NRG1: variants seen among roughly 807,000 people sequenced by gnomAD.
The protein encoded by NRG1 is neuregulin 1.
A neutral mutation model predicts 63.8 loss-of-function variants in NRG1; 18 were observed. The ratio of observed to expected loss-of-function variants is 0.28; its 90% CI spans 0.19 to 0.42. NRG1 has a LOEUF of 0.42. Ranked by LOEUF, NRG1 falls within the 10% of genes least tolerant of loss-of-function variation. NRG1 has a pLI of 1.00. For missense variants in NRG1, 762 were observed against 814.7 expected (o/e 0.94, Z 0.79); for synonymous variants, 302 against 301.3 (o/e 1.00, Z -0.02).
chr8:31,994,021 A>G (rs2129632998), intron 1 of NRG1, among the ~76,000 whole-genome samples: 1 of 152,132 alleles, frequency 6.6e-6, no homozygotes, highest in South Asian at 2.1e-4. Flanking sequence ...CAGTACTGAT[A>G]GGATGGGTCA....
intron 1 of NRG1, among the ~76,000 whole-genome samples, chr8:32,244,930 C>T (rs1848465024): frequency 6.6e-6 from 1 of 152,148 alleles, no homozygotes; most frequent in Non-Finnish European, 1.5e-5. Flanking sequence ...ACCAGTCCAG[C>T]AAATTCCAAA....
At chr8:32,213,770 T>C (rs1013051503) in intron 1 of NRG1, among the ~76,000 whole-genome samples, 1 of 152,092 alleles carries the variant, frequency 6.6e-6, no homozygotes, top group Non-Finnish European at 1.5e-5. Context: ...GCTGGGGCTT[T>C]GTAAATTGGA....
At chr8:31,835,348 T>A (rs1458283705) in intron 1 of NRG1, among the ~76,000 whole-genome samples, 1 of 152,198 alleles carries the variant, frequency 6.6e-6, no homozygotes, top group Non-Finnish European at 1.5e-5. Context: ...ATCTCGTCAT[T>A]TAGAAAAGAA....
intron 5 of NRG1, among the ~76,000 whole-genome samples, chr8:32,722,194 G>A (rs1388262309): frequency 6.6e-6 from 1 of 152,184 alleles, no homozygotes; most frequent in East Asian, 1.9e-4. Flanking sequence ...AAAGCTGTGG[G>A]TGAGGACTAA....
At chr8:31,951,208 T>A (rs529354100) in intron 1 of NRG1, among the ~76,000 whole-genome samples, 1 of 152,300 alleles carries the variant, frequency 6.6e-6, no homozygotes, top group African/African-American at 2.4e-5. Flanking sequence ...ATGTTTACCT[T>A]GTGCCCTTTA....
rs4457294 is a variant in NRG1 at position 32,377,736 on chromosome 8, C to G, written c.38-218092C>G. Among the ~76,000 whole-genome samples, 42 of 152,186 alleles carry G rather than the reference C, an allele frequency of 2.8e-4. No individual in the cohort carries two copies. In the South Asian group the frequency reaches 7.5e-3, roughly 27 times the overall value. On this transcript the variant is annotated intron_variant, in intron 1 of 10. Transcript: ENST00000519301. ...CCCCAATTTCACCCAGTATCTGAACCAATGTATCCATCAAAGTAGTGTAAT... is the reference window on the plus strand; with the variant it reads ...CCCCAATTTCACCCAGTATCTGAACGAATGTATCCATCAAAGTAGTGTAAT...
chr8:31,834,285 TCATGCGTGTGCGCGCACGCGCGCACA>T (rs1054518068), intron 1 of NRG1, among the ~76,000 whole-genome samples: 19 of 40,972 alleles, frequency 4.6e-4, no homozygotes, highest in Admixed American at 1.4e-3. Flanking sequence ...AGATCTCCCT[TCATGCGTGTGCGCGCACGCGCGCACA>T]CACACACACA....
chr8:32,241,190 T>C (rs1848065858), intron 1 of NRG1, among the ~76,000 whole-genome samples: 1 of 152,156 alleles, frequency 6.6e-6, no homozygotes. Flanking sequence ...AAAGTTCCCA[T>C]GTGATGTTGA....
At chr8:32,080,303 A>G (rs534917411) in intron 1 of NRG1, among the ~76,000 whole-genome samples, 1 of 152,152 alleles carries the variant, frequency 6.6e-6, no homozygotes, top group Non-Finnish European at 1.5e-5. Context: ...TGGCAGTTGA[A>G]GGAAAGGCTA....
intron 1 of NRG1, among the ~76,000 whole-genome samples, chr8:32,193,768 G>A (rs904562896): frequency 3.9e-5 from 6 of 152,276 alleles, no homozygotes; most frequent in Non-Finnish European, 7.3e-5. Flanking sequence ...TTGTTTGGGT[G>A]GAATCTAATC....
intron 1 of NRG1, 147 bp from the exon 2 acceptor site, chr8:32,595,681 T>C: frequency 1.7e-6 from 1 of 575,084 alleles, no homozygotes. Context: ...AGATCCATTT[T>C]CGCTCATCCA....
intron 1 of NRG1, among the ~76,000 whole-genome samples, chr8:31,727,275 A>G (rs1451509900): frequency 6.6e-6 from 1 of 152,134 alleles, no homozygotes; most frequent in Non-Finnish European, 1.5e-5. Context: ...AAAAAGCTTT[A>G]CTTCACAAAC....
intron 1 of NRG1, among the ~76,000 whole-genome samples, chr8:32,440,376 C>T (rs542641634): frequency 3.5e-4 from 54 of 152,230 alleles, no homozygotes; most frequent in African/African-American, 1.2e-3. Flanking sequence ...CCTAGCTGGT[C>T]TTGAACTCCT....
chr8:32,295,151 A>G (rs1854685190), intron 1 of NRG1, among the ~76,000 whole-genome samples: 1 of 152,170 alleles, frequency 6.6e-6, no homozygotes, highest in Non-Finnish European at 1.5e-5. Flanking sequence ...TTCCTAATTA[A>G]GACAAAATTT....
chr8:31,916,894 A>AT (rs984626721), intron 1 of NRG1, among the ~76,000 whole-genome samples: 9 of 151,688 alleles, frequency 5.9e-5, no homozygotes, highest in African/African-American at 2.2e-4. Flanking sequence ...AATGATTGCC[A>AT]TTGTAACTGG....
At chr8:31,744,096 A>T (rs1815601828) in intron 1 of NRG1, among the ~76,000 whole-genome samples, 1 of 151,964 alleles carries the variant, frequency 6.6e-6, no homozygotes, top group Admixed American at 6.6e-5. Context: ...GAGTTAACAC[A>T]CCTGGCTCTA....
intron 1 of NRG1, among the ~76,000 whole-genome samples, chr8:32,155,400 A>G (rs890156103): frequency 6.6e-6 from 1 of 152,170 alleles, no homozygotes; most frequent in Non-Finnish European, 1.5e-5. Context: ...TTACTGCCAT[A>G]AATCTCATTT....
chr8:31,877,602 C>T (rs1433099186), intron 1 of NRG1, among the ~76,000 whole-genome samples: 3 of 152,056 alleles, frequency 2.0e-5, no homozygotes, highest in African/African-American at 7.2e-5. Context: ...CTATAAAGTA[C>T]TCTAGAGGCA....
chr8:32,106,091 T>G (rs1831221698), intron 1 of NRG1, among the ~76,000 whole-genome samples: 1 of 152,194 alleles, frequency 6.6e-6, no homozygotes, highest in African/African-American at 2.4e-5. Flanking sequence ...AGTACAAACG[T>G]TGTGTGTGCA....
Sources: allele counts gnomAD v4.1 joint callset (sites outside exome capture counted in the v4.1 genomes callset), GRCh38; gene constraint gnomAD v4.1.1; transcripts MANE v1.5; gene names NCBI Gene and HGNC (gene_info 2026-07-23, HGNC 2026-07-21).